Variants in RBFOX1 observed in about 807,000 individuals in gnomAD.
RBFOX1 encodes the protein RNA binding protein fox-1 homolog 1.
RBFOX1 carries 8 observed loss-of-function variants against 57.7 expected under a neutral mutation model. The ratio of observed to expected loss-of-function variants is 0.14; its 90% CI spans 0.08 to 0.25. RBFOX1 has a LOEUF of 0.25. Among genes scored for constraint, RBFOX1 ranks in the 10% least tolerant of loss-of-function variants. RBFOX1 has a pLI of 1.00. For missense variants in RBFOX1, 611 were observed against 548.5 expected, an observed-to-expected ratio of 1.11 and a Z score of -1.14; for synonymous variants, 326 against 222.4, an observed-to-expected ratio of 1.47 and a Z score of -4.15.
At chr16:6,892,254 A>C (rs1215179960) in intron 3 of RBFOX1, among the ~76,000 whole-genome samples, 2 of 152,166 alleles carry the variant, frequency 1.3e-5, no homozygotes, top group Admixed American at 6.5e-5. Context: ...TTTTGACAGT[A>C]ACACTTTGTA....
intron 2 of RBFOX1, among the ~76,000 whole-genome samples, chr16:6,629,973 T>TTAA (rs201032968): frequency 0.28 from 35,939 of 129,898 alleles, 5,525 homozygotes; most frequent in East Asian, 0.55. Flanking sequence ...TTTTTTTTTT[T>TTAA]AAAAAAAAAA....
chr16:6,633,465 A>T lies in RBFOX1; in HGVS notation c.-63-21138A>T, dbSNP rs192011191. On this transcript the variant is annotated intron_variant, in intron 2 of 15. Coordinates refer to ENST00000550418, the MANE Select transcript of RBFOX1 (RefSeq NM_018723.4). ...GCTGATTTTTGCATTTATTATTATT[A>T]TTTTTTTTAGTAGAGATGGGTTTTC... Among the ~76,000 whole-genome samples, 1,333 of 151,546 alleles carry T rather than the reference A, an allele frequency of 8.8e-3. 18 individuals carry two copies. Among genetic ancestry groups the T allele is most frequent in the African/African-American group, 0.03 (1,253 of 41,288 alleles).
intron 1 of RBFOX1, among the ~76,000 whole-genome samples, chr16:6,295,112 T>TGTTTG (rs1567872123): frequency 6.7e-6 from 1 of 148,374 alleles, no homozygotes. Context: ...TTTTTTTTTT[T>TGTTTG]TTTTTTTTTT....
At chr16:6,953,801 T>A (rs977555972) in intron 3 of RBFOX1, among the ~76,000 whole-genome samples, 1 of 152,196 alleles carries the variant, frequency 6.6e-6, no homozygotes, top group Non-Finnish European at 1.5e-5. Flanking sequence ...TTCAAACTGG[T>A]TTGCAACTGA....
At chr16:5,886,220 G>C (rs578053860) in intron 4 of RBFOX1, among the ~76,000 whole-genome samples, 2 of 152,282 alleles carry the variant, frequency 1.3e-5, no homozygotes, top group South Asian at 2.1e-4. Context: ...TTGTAGCAGA[G>C]CAAAAATTGA....
At chr16:6,636,241 G>C (rs1340452532) in intron 2 of RBFOX1, among the ~76,000 whole-genome samples, 1 of 152,132 alleles carries the variant, frequency 6.6e-6, no homozygotes, top group South Asian at 2.1e-4. Flanking sequence ...CACGATCTCG[G>C]CTCACTGCAA....
intron 3 of RBFOX1, among the ~76,000 whole-genome samples, chr16:5,726,650 T>C (rs1353339927): frequency 6.6e-6 from 1 of 152,196 alleles, no homozygotes; most frequent in Non-Finnish European, 1.5e-5. Flanking sequence ...ACTAACACTA[T>C]TATGTTATGA....
At chr16:7,160,796 G>GTCTCCCCCTTTCTTCTCCCTCCTCCC (rs2078156759) in intron 4 of RBFOX1, among the ~76,000 whole-genome samples, 1 of 118,020 alleles carries the variant, frequency 8.5e-6, no homozygotes, top group Non-Finnish European at 1.7e-5. Context: ...TCCCTCCTCC[G>GTCTCCCCCTTTCTTCTCCCTCCTCCC]TCTCCCCCTT....
intron 4 of RBFOX1, among the ~76,000 whole-genome samples, chr16:7,464,797 C>T (rs538124889): frequency 6.0e-5 from 9 of 150,228 alleles, no homozygotes; most frequent in Non-Finnish European, 1.3e-4. Context: ...CCCAGGTTCA[C>T]GCCATTCTCC....
At chr16:6,022,695 A>AAAAC (rs571397142) in intron 1 of RBFOX1, among the ~76,000 whole-genome samples, 10 of 152,214 alleles carry the variant, frequency 6.6e-5, no homozygotes, top group Admixed American at 2.0e-4. Context: ...AAAACAAAAC[A>AAAAC]AAACAAACAA....
At chr16:7,645,297 T>G (rs911481791) in intron 11 of RBFOX1, among the ~76,000 whole-genome samples, 1 of 152,180 alleles carries the variant, frequency 6.6e-6, no homozygotes, top group African/African-American at 2.4e-5. Context: ...CATAAAAAGT[T>G]AATTAATCAG....
intron 2 of RBFOX1, among the ~76,000 whole-genome samples, chr16:6,487,364 C>T (rs2095508016): frequency 6.6e-6 from 1 of 152,024 alleles, no homozygotes; most frequent in East Asian, 1.9e-4. Context: ...GAGGTGCTTG[C>T]ATAACCTATA....
chr16:6,714,666 A>T (rs1358293550), intron 3 of RBFOX1, among the ~76,000 whole-genome samples: 1 of 152,130 alleles, frequency 6.6e-6, no homozygotes, highest in Non-Finnish European at 1.5e-5. Context: ...ATGTGCACTG[A>T]TATCATAAAG....
At chr16:7,106,504 A>T (rs1187170971) in intron 4 of RBFOX1, among the ~76,000 whole-genome samples, 1 of 152,172 alleles carries the variant, frequency 6.6e-6, no homozygotes, top group South Asian at 2.1e-4. Flanking sequence ...ATAATTCAGT[A>T]GGTCATTAAT....
intron 3 of RBFOX1, among the ~76,000 whole-genome samples, chr16:5,830,182 C>T (rs143612278): frequency 6.6e-6 from 1 of 152,152 alleles, no homozygotes; most frequent in African/African-American, 2.4e-5. Context: ...CCAGCTAATC[C>T]AGTGTTTTGT....
chr16:5,852,370 C>G (rs1234803161), intron 3 of RBFOX1, among the ~76,000 whole-genome samples: 1 of 152,156 alleles, frequency 6.6e-6, no homozygotes, highest in Middle Eastern at 3.2e-3. Context: ...GAACATGAGG[C>G]AGCAAAGATG....
At chr16:6,103,447 T>C (rs1490091650) in intron 1 of RBFOX1, among the ~76,000 whole-genome samples, 2 of 152,154 alleles carry the variant, frequency 1.3e-5, no homozygotes, top group African/African-American at 4.8e-5. Flanking sequence ...TTATTATTAC[T>C]GTTGTTGTCA....
chr16:6,270,434 A>G (rs928580485), intron 1 of RBFOX1, among the ~76,000 whole-genome samples: 6 of 148,610 alleles, frequency 4.0e-5, no homozygotes, highest in Non-Finnish European at 5.9e-5. Context: ...GAGTAGCTAT[A>G]TTATCAGATA....
At chr16:5,481,410 C>T (rs1184829264) in intron 2 of RBFOX1, among the ~76,000 whole-genome samples, 3 of 152,162 alleles carry the variant, frequency 2.0e-5, no homozygotes, top group Non-Finnish European at 2.9e-5. Flanking sequence ...CTTTCAATAC[C>T]ATTTGAATTG....
Sources: gnomAD v4.1 joint callset for allele counts (sites outside exome capture counted in the v4.1 genomes callset) on GRCh38, gnomAD v4.1.1 for gene constraint, MANE v1.5 for transcripts, NCBI Gene and HGNC (gene_info 2026-07-23, HGNC 2026-07-21) for gene names.